Variants in USH2A observed in about 807,000 individuals in gnomAD.
USH2A encodes the protein usherin.
USH2A carries 443 observed loss-of-function variants against 538.9 expected under a neutral mutation model. The ratio of observed to expected loss-of-function variants is 0.82; its 90% CI spans 0.76 to 0.89. The LOEUF (loss-of-function observed/expected upper bound fraction) is 0.89. USH2A is among the 40% of genes least tolerant of loss of function. USH2A has a pLI of 0.00. For synonymous variants in USH2A, 2,413 were observed against 2,273.5 expected (o/e 1.06, Z -1.75); for missense variants, 6,633 against 6,324.8 (o/e 1.05, Z -1.65).
chr1:216,224,426 T>C (rs2035522570), intron 14 of USH2A, among the ~76,000 whole-genome samples: 1 of 152,178 alleles, frequency 6.6e-6, no homozygotes, highest in Non-Finnish European at 1.5e-5. Flanking sequence ...TGCTTCATTG[T>C]TTTCGATACT....
At chr1:216,002,776 G>T (rs992807051) in intron 32 of USH2A, among the ~76,000 whole-genome samples, 2 of 152,172 alleles carry the variant, frequency 1.3e-5, no homozygotes, top group Admixed American at 6.5e-5. Flanking sequence ...TGGTGAAGAA[G>T]TTACTCCATT....
rs184514437 is a variant in USH2A at position 215,630,287 on chromosome 1, A to C, written c.15298-1252T>G. 609 of 456,646 alleles carry C rather than the reference A, an allele frequency of 1.3e-3. 1 individual carries two copies. Among genetic ancestry groups the C allele is most frequent in the Middle Eastern group, 1.6e-3 (5 of 3,078 alleles). The allele number at this position is 456,646 out of a possible 1,614,324, so 28.3% of individuals were successfully genotyped here. ...TGAGAACAAATGGCAGCATCAGTCC[A>C]TGTTTGGAACAGTTTTAAACACATT... On this transcript the variant is annotated intron_variant, in intron 70 of 71. Coordinates refer to ENST00000307340, the MANE Select transcript of USH2A (RefSeq NM_206933.4).
chr1:215,870,136 T>A (rs926882391), intron 43 of USH2A, among the ~76,000 whole-genome samples: 6 of 152,182 alleles, frequency 3.9e-5, no homozygotes, highest in Non-Finnish European at 8.8e-5. Context: ...TAGGGTTTAT[T>A]CATTTCCAAT....
At chr1:216,007,252 A>G (rs1490426541) in intron 32 of USH2A, among the ~76,000 whole-genome samples, 4 of 152,192 alleles carry the variant, frequency 2.6e-5, no homozygotes, top group African/African-American at 7.2e-5. Context: ...TATCAGCAGC[A>G]TGAAAACGAA....
intron 7 of USH2A, among the ~76,000 whole-genome samples, chr1:216,323,902 A>T (rs1231408527): frequency 6.6e-6 from 1 of 152,164 alleles, no homozygotes; most frequent in Non-Finnish European, 1.5e-5. Context: ...AACATAATGA[A>T]AATTCTATTT....
At chr1:216,255,356 G>A (rs958215942) in intron 11 of USH2A, among the ~76,000 whole-genome samples, 1 of 152,134 alleles carries the variant, frequency 6.6e-6, no homozygotes, top group Admixed American at 6.6e-5. Context: ...TCCTAGCATA[G>A]GCATTTAGTG....
At chr1:216,280,751 G>A (rs1481092150) in intron 11 of USH2A, among the ~76,000 whole-genome samples, 1 of 152,144 alleles carries the variant, frequency 6.6e-6, no homozygotes, top group African/African-American at 2.4e-5. Flanking sequence ...CATATCTTAT[G>A]AGATTGGATT....
chr1:216,151,411 GA>G (rs1441643341), intron 21 of USH2A, among the ~76,000 whole-genome samples: 2 of 152,030 alleles, frequency 1.3e-5, no homozygotes, highest in Non-Finnish European at 2.9e-5. Flanking sequence ...AAATGGGACC[GA>G]AGAGCTCCCT....
intron 30 of USH2A, among the ~76,000 whole-genome samples, chr1:216,059,328 T>C (rs1035867476): frequency 6.6e-6 from 1 of 152,208 alleles, no homozygotes; most frequent in Non-Finnish European, 1.5e-5. Flanking sequence ...CCATAAAGTA[T>C]AGTACATTTG....
chr1:215,897,548 G>T (rs1665380333), intron 40 of USH2A, among the ~76,000 whole-genome samples: 3 of 151,972 alleles, frequency 2.0e-5, no homozygotes, highest in Admixed American at 2.0e-4. Context: ...AATTAGCTGG[G>T]TGTGGTGGTG....
chr1:215,854,788 G>A (rs977786021), intron 44 of USH2A, among the ~76,000 whole-genome samples: 4 of 152,158 alleles, frequency 2.6e-5, no homozygotes, highest in Non-Finnish European at 5.9e-5. Context: ...CTTTTGTTAT[G>A]CAGATGGGTT....
At chr1:216,093,701 G>C (rs1376338638) in intron 22 of USH2A, among the ~76,000 whole-genome samples, 3 of 152,134 alleles carry the variant, frequency 2.0e-5, no homozygotes, top group African/African-American at 7.2e-5. Flanking sequence ...TCCAATGACT[G>C]TCCCATGTTT....
At position 215,941,500 on chromosome 1, in the gene USH2A, C is replaced by T. The variant is rs568583730; in HGVS notation, c.7121-6705G>A. ...TTTTTTCCAGCTGAACAAACTGATG[C>T]TGTTATCTCAATCAGCTAAAAGTTA... On this transcript the variant is annotated intron_variant, in intron 37 of 71. Coordinates refer to ENST00000307340, the MANE Select transcript of USH2A (RefSeq NM_206933.4). 1.9e-3 allele frequency among the ~76,000 whole-genome samples: 294 copies of T among 152,196 alleles called. 1 individual carries two copies. Among genetic ancestry groups the T allele is most frequent in the African/African-American group, 6.4e-3 (267 of 41,534 alleles).
chr1:216,383,115 G>A (rs187362386), intron 3 of USH2A, among the ~76,000 whole-genome samples: 2 of 152,116 alleles, frequency 1.3e-5, no homozygotes, highest in East Asian at 1.9e-4. Flanking sequence ...ACACAAAAAC[G>A]GGTCACCCAC....
At chr1:216,271,070 G>C (rs559570102) in intron 11 of USH2A, among the ~76,000 whole-genome samples, 1 of 152,220 alleles carries the variant, frequency 6.6e-6, no homozygotes, top group East Asian at 1.9e-4. Context: ...CTTCCCCACT[G>C]AGGTAGATTG....
intron 9 of USH2A, among the ~76,000 whole-genome samples, chr1:216,312,602 A>G (rs2037441974): frequency 6.6e-6 from 1 of 152,270 alleles, no homozygotes; most frequent in South Asian, 2.1e-4. Context: ...CTTTATTTCT[A>G]TGAAAGTGTT....
intron 4 of USH2A, among the ~76,000 whole-genome samples, chr1:216,342,536 A>G (rs1363873409): frequency 6.6e-6 from 1 of 152,178 alleles, no homozygotes; most frequent in East Asian, 1.9e-4. Context: ...ACACATGCAC[A>G]CATATGTTTA....
chr1:216,122,751 G>A (rs1395867294), intron 21 of USH2A, among the ~76,000 whole-genome samples: 1 of 152,164 alleles, frequency 6.6e-6, no homozygotes, highest in African/African-American at 2.4e-5. Context: ...CATGACCCAA[G>A]GGACCAGGGT....
At chr1:216,194,905 G>A (rs187684754) in intron 19 of USH2A, among the ~76,000 whole-genome samples, 42 of 152,254 alleles carry the variant, frequency 2.8e-4, no homozygotes, top group Non-Finnish European at 2.9e-5. Context: ...AGCCACTTGG[G>A]ACATAACATG....
Sources: gnomAD v4.1 joint callset for allele counts (sites outside exome capture counted in the v4.1 genomes callset) on GRCh38, gnomAD v4.1.1 for gene constraint, MANE v1.5 for transcripts, NCBI Gene and HGNC (gene_info 2026-07-23, HGNC 2026-07-21) for gene names.